The following MACROD2 variants were observed in gnomAD, a reference collection of about 807,000 sequenced individuals.
MACROD2 encodes the protein mono-ADP ribosylhydrolase 2, also known as ADP-ribose glycohydrolase MACROD2.
Under a neutral mutation model 70.4 loss-of-function variants are expected in MACROD2, and 36 were observed. The ratio of observed to expected loss-of-function variants is 0.51; its 90% CI spans 0.39 to 0.68. The LOEUF (loss-of-function observed/expected upper bound fraction) is 0.68. Ranked by LOEUF, MACROD2 falls within the 30% of genes least tolerant of loss-of-function variation. The probability of loss-of-function intolerance (pLI) is 0.00; values close to 1 mark genes in which losing one functional copy is unlikely to be tolerated. For missense variants in MACROD2, 496 were observed against 538.4 expected, an observed-to-expected ratio of 0.92 and a Z score of 0.78; for synonymous variants, 172 against 178.8, an observed-to-expected ratio of 0.96 and a Z score of 0.30.
chr20:15,204,114 G>T (rs2076680860), intron 5 of MACROD2, among the ~76,000 whole-genome samples: 1 of 151,814 alleles, frequency 6.6e-6, no homozygotes. Flanking sequence ...TTTTGGTGGG[G>T]GTCACTATTA....
intron 3 of MACROD2, among the ~76,000 whole-genome samples, chr20:14,276,366 C>G (rs1183653471): frequency 6.7e-6 from 1 of 148,208 alleles, no homozygotes; most frequent in African/African-American, 2.5e-5. Flanking sequence ...TCTCAGTAAA[C>G]TATTGCAAGG....
At chr20:15,532,456 A>G (rs2047816498) in intron 8 of MACROD2, among the ~76,000 whole-genome samples, 1 of 151,956 alleles carries the variant, frequency 6.6e-6, no homozygotes, top group Admixed American at 6.6e-5. Flanking sequence ...AGTTTTAGCT[A>G]CCTATCTGAA....
chr20:14,867,618 T>A (rs952202827), intron 5 of MACROD2, among the ~76,000 whole-genome samples: 5 of 152,158 alleles, frequency 3.3e-5, no homozygotes, highest in African/African-American at 1.2e-4. Flanking sequence ...TTGATTTCTT[T>A]TGTATATTCA....
At chr20:14,405,484 C>G (rs2083682017) in intron 3 of MACROD2, among the ~76,000 whole-genome samples, 1 of 152,144 alleles carries the variant, frequency 6.6e-6, no homozygotes, top group Admixed American at 6.5e-5. Flanking sequence ...CTACGGGAGT[C>G]CAGTAGGCTA....
chr20:15,168,241 C>T (rs1337868385), intron 5 of MACROD2, among the ~76,000 whole-genome samples: 1 of 152,032 alleles, frequency 6.6e-6, no homozygotes, highest in Non-Finnish European at 1.5e-5. Flanking sequence ...GCAGTTCTGA[C>T]CTTGGAGACG....
chr20:15,011,068 G>T (rs1186210412), intron 5 of MACROD2, among the ~76,000 whole-genome samples: 1 of 152,214 alleles, frequency 6.6e-6, no homozygotes, highest in Non-Finnish European at 1.5e-5. Context: ...GTGGCAGACA[G>T]ATTCAAATGG....
intron 3 of MACROD2, among the ~76,000 whole-genome samples, chr20:14,396,617 T>C (rs544414745): frequency 6.6e-6 from 1 of 152,148 alleles, no homozygotes. Context: ...GCCTATAGTT[T>C]GGTGTTGATT....
At position 14,263,024 on chromosome 20, in the gene MACROD2, C is replaced by T. The variant is rs140490602; in HGVS notation, c.271+177296C>T. On this transcript the variant is annotated intron_variant, in intron 3 of 17. Coordinates refer to ENST00000684519, the MANE Select transcript of MACROD2 (RefSeq NM_001351661.2). ...TGAAGAAGAGGTCAGTAGAGAGGCA[C>T]AGATTGAAAATAAAGGAGATGGAGA... Among the ~76,000 whole-genome samples, 246 of 152,122 alleles carry T rather than the reference C, an allele frequency of 1.6e-3. 1 individual carries two copies. The highest frequency in any genetic ancestry group is 5.9e-3 in the African/African-American group (243 of 41,508).
intron 8 of MACROD2, among the ~76,000 whole-genome samples, chr20:15,694,435 G>A (rs932192994): frequency 2.0e-5 from 3 of 152,162 alleles, no homozygotes; most frequent in African/African-American, 7.2e-5. Context: ...GTATCACATT[G>A]TGGTTTTGAT....
intron 3 of MACROD2, among the ~76,000 whole-genome samples, chr20:14,212,109 T>G (rs2081576195): frequency 6.6e-6 from 1 of 152,150 alleles, no homozygotes; most frequent in African/African-American, 2.4e-5. Flanking sequence ...GGGTTTTGGA[T>G]GAAGGATTGT....
At chr20:14,485,191 T>C (rs545483056) in intron 3 of MACROD2, among the ~76,000 whole-genome samples, 1 of 152,142 alleles carries the variant, frequency 6.6e-6, no homozygotes, top group African/African-American at 2.4e-5. Context: ...AACACACAAA[T>C]TTTTACTAGA....
chr20:15,662,396 G>A (rs1443521796), intron 8 of MACROD2, among the ~76,000 whole-genome samples: 2 of 151,430 alleles, frequency 1.3e-5, no homozygotes, highest in Non-Finnish European at 2.9e-5. Context: ...TTTTTTCTTT[G>A]CATCCTTGGT....
At chr20:14,583,828 G>C (rs562405978) in intron 4 of MACROD2, among the ~76,000 whole-genome samples, 1 of 152,132 alleles carries the variant, frequency 6.6e-6, no homozygotes, top group Non-Finnish European at 1.5e-5. Flanking sequence ...CTATAGAGAA[G>C]ACGAGAAAGA....
intron 3 of MACROD2, among the ~76,000 whole-genome samples, chr20:14,144,286 T>G (rs924591517): frequency 7.9e-5 from 12 of 152,248 alleles, no homozygotes; most frequent in African/African-American, 2.7e-4. Flanking sequence ...CTTCTAAATC[T>G]AAATTTGTCA....
intron 8 of MACROD2, among the ~76,000 whole-genome samples, chr20:15,679,717 A>G (rs566890826): frequency 6.6e-6 from 1 of 152,240 alleles, no homozygotes; most frequent in South Asian, 2.1e-4. Flanking sequence ...CTGACATCAC[A>G]TAGAGGAGAG....
At chr20:14,917,374 G>T (rs1338408850) in intron 5 of MACROD2, among the ~76,000 whole-genome samples, 1 of 152,018 alleles carries the variant, frequency 6.6e-6, no homozygotes, top group Non-Finnish European at 1.5e-5. Context: ...GCAGCTGATT[G>T]TTCCATTGTG....
intron 5 of MACROD2, among the ~76,000 whole-genome samples, chr20:14,702,592 T>C (rs1394322473): frequency 0.47 from 1,650 of 3,518 alleles, 162 homozygotes; most frequent in South Asian, 0.52. Flanking sequence ...TATATGTATA[T>C]ATATGTGTGT....
intron 8 of MACROD2, among the ~76,000 whole-genome samples, chr20:15,596,665 AAAG>A (rs560259124): frequency 6.6e-6 from 1 of 152,222 alleles, no homozygotes; most frequent in Non-Finnish European, 1.5e-5. Flanking sequence ...GTGTACTTCC[AAAG>A]AAGGGCTTTT....
At chr20:14,358,400 C>T (rs1286549689) in intron 3 of MACROD2, among the ~76,000 whole-genome samples, 4 of 152,128 alleles carry the variant, frequency 2.6e-5, no homozygotes, top group African/African-American at 9.7e-5. Flanking sequence ...TATATTAACT[C>T]ATGAAATTCT....
Sources: allele counts gnomAD v4.1 joint callset (sites outside exome capture counted in the v4.1 genomes callset), GRCh38; gene constraint gnomAD v4.1.1; transcripts MANE v1.5; gene names NCBI Gene and HGNC (gene_info 2026-07-23, HGNC 2026-07-21).